The following KCNC4 variants were observed in gnomAD, a reference collection of about 807,000 sequenced individuals.
KCNC4 encodes potassium voltage-gated channel subfamily C member 4, also known as voltage-gated potassium channel KCNC4.
Under a neutral mutation model 42.8 loss-of-function variants are expected in KCNC4, and 23 were observed. That is an observed-to-expected ratio of 0.54 (90% CI 0.39 to 0.76). The LOEUF is 0.76. KCNC4 is among the 30% of genes least tolerant of loss of function. KCNC4 has a pLI of 0.00. For synonymous variants in KCNC4, 422 were observed against 393.5 expected, an observed-to-expected ratio of 1.07 and a Z score of -0.86; for missense variants, 751 against 898.2, an observed-to-expected ratio of 0.84 and a Z score of 2.10.
chr1:110,229,876 C>T lies in KCNC4; in HGVS notation c.1820-3035C>T, dbSNP rs376709730. Among the ~76,000 whole-genome samples, 6 of 152,004 alleles carry T rather than the reference C, an allele frequency of 3.9e-5. No homozygotes were observed. In the East Asian group the frequency reaches 9.6e-4, roughly 24 times the overall value. On this transcript the variant is annotated intron_variant, in intron 3 of 3. Coordinates refer to ENST00000438661, the MANE Select transcript of KCNC4 (RefSeq NM_001039574.3). ...TGGGAATTAGACCTGACAGCAGAGC[C>T]GTGCGCCTGGCAATTTTTAGAGTCA...
rs1480054913 is a variant in KCNC4 at position 110,210,830 on chromosome 1, G to T, written c.-670G>T. ...CGCCCTGCGCAGCCCCCGCCCGCCCGGCCGCCGCTCTCTGCTCTGCCCCGC... is the reference window on the plus strand; with the variant it reads ...CGCCCTGCGCAGCCCCCGCCCGCCCTGCCGCCGCTCTCTGCTCTGCCCCGC... On this transcript the variant is annotated 5_prime_UTR_variant, in exon 1 of 4. Transcript: ENST00000438661. Among the ~76,000 whole-genome samples, 1 of 152,160 alleles carries T rather than the reference G, an allele frequency of 6.6e-6. No homozygotes were observed. The highest frequency in any genetic ancestry group is 2.1e-4 in the South Asian group (1 of 4,822).
chr1:110,254,875 C>T (rs1659304074), intron 1 of KCNC4, among the ~76,000 whole-genome samples: 1 of 152,242 alleles, frequency 6.6e-6, no homozygotes. Flanking sequence ...GTAGAACAGC[C>T]CACAGCAGTT....
rs611587 is a variant in KCNC4, at chr1:110,222,913, C to A, written c.679-51C>A. The stretch of plus-strand genomic sequence containing the variant: ...CAGAAGTCCACGTCCCCAGCTGGGC[C>A]CATCCATCCCTGTCTGACAGCTGCC... On this transcript the variant is annotated intron_variant, in intron 1 of 3. Transcript: ENST00000438661. The A allele has an allele frequency of 5.4e-4, 754 of 1,397,942 alleles. 2 individuals are homozygous for A. Among genetic ancestry groups the A allele is most frequent in the Non-Finnish European group, 6.9e-4 (686 of 997,564 alleles). The allele number at this position is 1,397,942 out of a possible 1,614,324, so 86.6% of individuals were successfully genotyped here. A position where few individuals can be genotyped will look rare whatever the true frequency, so the allele number is the denominator to read the frequency against.
At position 110,280,289 on chromosome 1, in the gene KCNC4, T is replaced by G. The variant is rs370583549; in HGVS notation, n.31-2245T>G. 2.0e-5 allele frequency among the ~76,000 whole-genome samples: 3 copies of G among 151,992 alleles called. No homozygotes were observed. The East Asian group carries it at 5.8e-4, about 29-fold the overall frequency. On this transcript the variant is annotated intron_variant and non_coding_transcript_variant, in intron 1 of 2. Transcript: ENST00000412512. ...GGCCAGTGTGCCTCCAAAGCTGGTCTTTGTAAAGCCCTTCAAACAGAGAGA... is the reference window on the plus strand; with the variant it reads ...GGCCAGTGTGCCTCCAAAGCTGGTCGTTGTAAAGCCCTTCAAACAGAGAGA...
chr1:110,248,163 A>G (rs1200157935), exon 4 of KCNC4: 1 of 152,264 alleles, frequency 6.6e-6, no homozygotes, highest in Non-Finnish European at 1.5e-5. Context: ...GAAGTGTGCT[A>G]TCAACAGATG....
At chr1:110,238,303 C>T (rs1658953291), downstream of KCNC4, 1 of 152,156 alleles carries the variant, frequency 6.6e-6, no homozygotes, top group Admixed American at 6.5e-5. Flanking sequence ...ATGTAGGCTT[C>T]CCCTTGGGGC....
intron 1 of KCNC4, among the ~76,000 whole-genome samples, chr1:110,269,021 T>C (rs1006241532): frequency 1.3e-5 from 2 of 152,188 alleles, no homozygotes; most frequent in African/African-American, 4.8e-5. Flanking sequence ...CGGCCTACCC[T>C]GAGATTATTA....
At chr1:110,227,193 A>G (rs748607864) in intron 3 of KCNC4, among the ~76,000 whole-genome samples, 8 of 152,064 alleles carry the variant, frequency 5.3e-5, no homozygotes, top group Non-Finnish European at 7.4e-5. Flanking sequence ...CAAACCCCAG[A>G]CCCAAACTAG....
downstream of KCNC4, chr1:110,237,515 TC>T (rs1480686073): frequency 6.6e-6 from 1 of 152,176 alleles, no homozygotes; most frequent in Non-Finnish European, 1.5e-5. Flanking sequence ...GTAGTGAAGT[TC>T]CCTTCCCTGA....
chr1:110,231,331 C>T (rs1658678964), intron 3 of KCNC4, among the ~76,000 whole-genome samples: 2 of 152,118 alleles, frequency 1.3e-5, no homozygotes, highest in Non-Finnish European at 2.9e-5. Flanking sequence ...TGCCCCACCC[C>T]TGGTGGGTCA....
At chr1:110,214,635 C>G (rs1571023409) in intron 1 of KCNC4, among the ~76,000 whole-genome samples, 1 of 152,218 alleles carries the variant, frequency 6.6e-6, no homozygotes, top group Non-Finnish European at 1.5e-5. Flanking sequence ...TGAGATCACA[C>G]AGCCAGATAG....
intron 1 of KCNC4, chr1:110,221,313 A>C (rs987953380): frequency 1.3e-5 from 2 of 152,214 alleles, no homozygotes; most frequent in Non-Finnish European, 2.9e-5. Flanking sequence ...CAAGTATGTA[A>C]CGTCTCTGAT....
intron 2 of KCNC4, chr1:110,224,343 A>G (rs1658276840): frequency 6.0e-6 from 1 of 167,498 alleles, no homozygotes; most frequent in South Asian, 1.7e-4. Flanking sequence ...CCACATTACA[A>G]ATGTCAGGTA....
intron 1 of KCNC4, among the ~76,000 whole-genome samples, chr1:110,280,703 A>C (rs922261128): frequency 4.6e-5 from 7 of 152,194 alleles, no homozygotes; most frequent in Non-Finnish European, 1.0e-4. Flanking sequence ...ATTTTTTTTC[A>C]GTATAAGTAT....
In KCNC4 at chr1:110,211,334, C is replaced by A. The variant is rs544030029; in HGVS notation, c.-166C>A. The A allele has an allele frequency of 3.9e-6, 4 of 1,018,838 alleles. No individual in the cohort carries two copies. The highest frequency in any genetic ancestry group is 5.6e-6 in the Non-Finnish European group (4 of 717,110). 63.1% of individuals were successfully genotyped at this position (1,018,838 alleles called of 1,614,324 possible). On this transcript the variant is annotated 5_prime_UTR_variant, in exon 1 of 4. Transcript: ENST00000438661. The surrounding 1 kb of genome is among the most constrained non-coding windows in gnomAD (Gnocchi z 6.5). Reference sequence around the variant, plus strand: ...CGGAGAAATCCAACTCCTCCCGCTCCGCGTCCTAGGGGGATAGGCAGGGGC... The same window carrying A: ...CGGAGAAATCCAACTCCTCCCGCTCAGCGTCCTAGGGGGATAGGCAGGGGC...
intron 3 of KCNC4, among the ~76,000 whole-genome samples, chr1:110,227,283 G>A (rs887659631): frequency 1.3e-5 from 2 of 152,136 alleles, no homozygotes; most frequent in African/African-American, 4.8e-5. Flanking sequence ...CCAATGTCCC[G>A]TGGCCTGCCA....
intron 1 of KCNC4, among the ~76,000 whole-genome samples, chr1:110,215,001 C>T (rs1049895869): frequency 2.6e-5 from 4 of 152,262 alleles, no homozygotes; most frequent in African/African-American, 9.6e-5. Flanking sequence ...TACCTTCCCT[C>T]GCTCACAGCT....
intron 1 of KCNC4, among the ~76,000 whole-genome samples, chr1:110,217,340 T>C (rs2100996039): frequency 6.6e-6 from 1 of 152,342 alleles, no homozygotes; most frequent in Non-Finnish European, 1.5e-5. Context: ...GTGGGCCTTG[T>C]AGGATACTGA....
At chr1:110,261,382 T>G (rs1283702319) in intron 1 of KCNC4, among the ~76,000 whole-genome samples, 12 of 152,226 alleles carry the variant, frequency 7.9e-5, no homozygotes, top group Admixed American at 6.5e-5. Context: ...CTGAAAAAAT[T>G]TTAAATGAAT....
Sources: gnomAD v4.1 joint callset for allele counts (sites outside exome capture counted in the v4.1 genomes callset) on GRCh38, gnomAD v4.1.1 for gene constraint, Gnocchi (gnomAD v3.1) non-coding constraint, MANE v1.5 for transcripts, NCBI Gene and HGNC (gene_info 2026-07-23, HGNC 2026-07-21) for gene names.